MTREX: variants seen among roughly 807,000 people sequenced by gnomAD.
MTREX encodes Mtr4 exosome RNA helicase, also known as exosome RNA helicase MTR4.
A neutral mutation model predicts 135.4 loss-of-function variants in MTREX; 76 were observed. The ratio of observed to expected loss-of-function variants is 0.56; its 90% CI spans 0.47 to 0.68. MTREX has a LOEUF of 0.68. Among genes scored for constraint, MTREX ranks in the 30% least tolerant of loss-of-function variants. The pLI is 0.00. For missense variants in MTREX, 920 were observed against 1,262.1 expected, an observed-to-expected ratio of 0.73 and a Z score of 4.11; for synonymous variants, 404 against 401.6, an observed-to-expected ratio of 1.01 and a Z score of -0.07.
chr5:55,337,027 T>G (rs1749565419), intron 5 of MTREX, among the ~76,000 whole-genome samples: 1 of 152,234 alleles, frequency 6.6e-6, no homozygotes, highest in Non-Finnish European at 1.5e-5. Flanking sequence ...GTGAAGCCAT[T>G]TAAGCCTAGG....
chr5:55,325,362 C>T (rs1448816768), intron 3 of MTREX, among the ~76,000 whole-genome samples: 3 of 137,954 alleles, frequency 2.2e-5, no homozygotes, highest in African/African-American at 8.1e-5. Context: ...TTAAGAGTCT[C>T]ACTATGTCAT....
intron 12 of MTREX, among the ~76,000 whole-genome samples, chr5:55,350,495 A>G (rs1326000697): frequency 6.6e-6 from 1 of 152,236 alleles, no homozygotes; most frequent in Non-Finnish European, 1.5e-5. Context: ...TGTTGAAAGA[A>G]TTCTTCAATA....
At chr5:55,388,603 C>A (rs891145681) in intron 19 of MTREX, among the ~76,000 whole-genome samples, 1 of 152,136 alleles carries the variant, frequency 6.6e-6, no homozygotes, top group Non-Finnish European at 1.5e-5. Flanking sequence ...CAAATGTAAG[C>A]CAGTGTAAGT....
chr5:55,378,485 A>G lies in MTREX; in HGVS notation c.1982A>G (p.Lys661Arg). The change falls in exon 17 of 27, where the codon AAG (lysine) becomes AGG (arginine). Residue 661 changes from lysine to arginine, a missense_variant and splice_region_variant. Physicochemically the swap from Lys to Arg is conservative, Grantham distance 26. This residue lies in a region of MTREX where 467 missense variants were observed against 589.7 expected (regional missense o/e 0.79). Transcript: ENST00000230640. ...TTTCTACAACCAGGTCGTTTGGTAA[A>G]GGTATGTCATTGTTTCTTCATAAAA... ...LPFLQPGRLV[K>R]VKNEGDDFGW... The G allele has an allele frequency of 6.2e-7, 1 of 1,602,410 alleles. No individual in the cohort carries two copies. The highest frequency in any genetic ancestry group is 8.5e-7 in the Non-Finnish European group (1 of 1,176,846).
chr5:55,360,979 CT>C (rs758899758), intron 15 of MTREX, among the ~76,000 whole-genome samples: 2 of 152,168 alleles, frequency 1.3e-5, no homozygotes, highest in Non-Finnish European at 2.9e-5. Context: ...GCAAATCCTG[CT>C]TTTGAACTCA....
intron 21 of MTREX, among the ~76,000 whole-genome samples, 169 bp downstream of exon 21, chr5:55,400,590 A>G (rs1750709388): frequency 6.6e-6 from 1 of 152,260 alleles, no homozygotes; most frequent in South Asian, 2.1e-4. Flanking sequence ...CAGCAAGACA[A>G]GATAAAGTTC....
intron 22 of MTREX, among the ~76,000 whole-genome samples, chr5:55,406,089 A>G (rs980991144): frequency 2.0e-5 from 3 of 152,260 alleles, no homozygotes; most frequent in African/African-American, 7.2e-5. Flanking sequence ...ATAGGATTTT[A>G]CAACAGAACT....
At chr5:55,409,306 A>G (rs1168543296) in intron 22 of MTREX, among the ~76,000 whole-genome samples, 1 of 152,192 alleles carries the variant, frequency 6.6e-6, no homozygotes, top group Admixed American at 6.5e-5. Context: ...TTCAACAGAA[A>G]GGGCCTAGTT....
chr5:55,384,132 A>G (rs79112745), intron 18 of MTREX, among the ~76,000 whole-genome samples: 3,094 of 152,212 alleles, frequency 0.02, 45 homozygotes, highest in Non-Finnish European at 0.033. Context: ...AACTTCCATT[A>G]TGGGTATGTT....
At chr5:55,407,177 A>G (rs188870472) in intron 22 of MTREX, among the ~76,000 whole-genome samples, 80 of 152,340 alleles carry the variant, frequency 5.3e-4, no homozygotes, top group Non-Finnish European at 2.6e-4. Context: ...ATGTAATTAT[A>G]TCGTTCATCT....
intron 23 of MTREX, among the ~76,000 whole-genome samples, chr5:55,411,004 TC>T (rs1388230025): frequency 2.0e-5 from 3 of 152,152 alleles, no homozygotes; most frequent in Non-Finnish European, 4.4e-5. Context: ...TTAACTCTCC[TC>T]CCCGGTGTTG....
At chr5:55,383,557 T>G (rs1750431832) in intron 18 of MTREX, among the ~76,000 whole-genome samples, 1 of 152,190 alleles carries the variant, frequency 6.6e-6, no homozygotes. Context: ...TGAAGTTCCC[T>G]TGTAAGAGAT....
chr5:55,423,102 A>C, intron 26 of MTREX, 120 bp downstream of exon 26: 1 of 700,522 alleles, frequency 1.4e-6, no homozygotes, highest in Non-Finnish European at 2.5e-6. Flanking sequence ...TGTCATGGAG[A>C]GCTATCTACT....
chr5:55,328,585 A>G (rs1167288938), intron 4 of MTREX, 114 bp from the exon 5 acceptor site: 1 of 649,450 alleles, frequency 1.5e-6, no homozygotes, highest in Non-Finnish European at 2.7e-6. Context: ...AAATAAAATC[A>G]TAAAGGAATA....
intron 19 of MTREX, among the ~76,000 whole-genome samples, chr5:55,389,383 G>GA (rs1750528495): frequency 1.3e-5 from 2 of 152,270 alleles, no homozygotes; most frequent in South Asian, 4.1e-4. Flanking sequence ...ATTCTTCCAA[G>GA]AAAATTATAT....
At chr5:55,397,574 G>A (rs230801) in intron 20 of MTREX, 48 bp downstream of exon 20, 1,097,748 of 1,227,506 alleles carry the variant, frequency 0.89, 492,519 homozygotes, top group Admixed American at 0.93. Context: ...GTAAATACAG[G>A]TAGTGTTTAT....
chr5:55,342,637 G>A (rs936537609), intron 7 of MTREX, among the ~76,000 whole-genome samples: 2 of 152,246 alleles, frequency 1.3e-5, no homozygotes, highest in South Asian at 4.1e-4. Context: ...ATATGTACAC[G>A]CTTAAAATAA....
At chr5:55,325,670 G>A (rs1202010094) in intron 3 of MTREX, among the ~76,000 whole-genome samples, 1 of 151,798 alleles carries the variant, frequency 6.6e-6, no homozygotes, top group Non-Finnish European at 1.5e-5. Flanking sequence ...TTGTTACATG[G>A]GTATATCGTG....
At chr5:55,376,095 TC>T (rs1750296817) in intron 16 of MTREX, among the ~76,000 whole-genome samples, 1 of 152,206 alleles carries the variant, frequency 6.6e-6, no homozygotes, top group Non-Finnish European at 1.5e-5. Flanking sequence ...TGGAGTTTAA[TC>T]CATAAAGATT....
Sources: allele counts gnomAD v4.1 joint callset (sites outside exome capture counted in the v4.1 genomes callset), GRCh38; gene constraint gnomAD v4.1.1; regional missense constraint gnomAD v4.1.1; transcripts MANE v1.5; gene names NCBI Gene and HGNC (gene_info 2026-07-23, HGNC 2026-07-21).